PRKCH: variants seen among roughly 807,000 people sequenced by gnomAD.
PRKCH encodes protein kinase C eta type.
PRKCH carries 28 observed loss-of-function variants against 82.5 expected under a neutral mutation model. The ratio of observed to expected loss-of-function variants is 0.34; its 90% CI spans 0.25 to 0.47. The LOEUF is 0.47. PRKCH is among the 20% of genes least tolerant of loss of function. The pLI is 1.00. For missense variants in PRKCH, 705 were observed against 881.8 expected, an observed-to-expected ratio of 0.80 and a Z score of 2.54; for synonymous variants, 322 against 327.4, an observed-to-expected ratio of 0.98 and a Z score of 0.18.
intron 1 of PRKCH, chr14:61,281,125 C>T (rs1213707273): frequency 1.2e-5 from 17 of 1,404,344 alleles, no homozygotes; most frequent in African/African-American, 4.5e-5. Flanking sequence ...GTGGGCGCCC[C>T]GGGCCGTGGC....
intron 10 of PRKCH, among the ~76,000 whole-genome samples, chr14:61,515,215 G>C (rs2042805406): frequency 6.6e-6 from 1 of 152,166 alleles, no homozygotes; most frequent in South Asian, 2.1e-4. Context: ...AATTTTATTT[G>C]ATTACGTTGT....
intron 1 of PRKCH, among the ~76,000 whole-genome samples, chr14:61,221,334 A>G (rs930831805): frequency 1.3e-5 from 2 of 152,168 alleles, no homozygotes; most frequent in East Asian, 1.9e-4. Context: ...TTACAAGTAT[A>G]GACAAAATCA....
chr14:61,280,064 A>G lies in PRKCH; in HGVS notation c.-19+92396A>G, dbSNP rs2045242247. 1.3e-6 allele frequency: 2 copies of G among 1,574,332 alleles called. No homozygotes were observed. The highest frequency in any genetic ancestry group is 1.4e-5 in the African/African-American group (1 of 73,730). On this transcript the variant is annotated intron_variant, in intron 1 of 3. Transcript: ENST00000555185. This position sits in a 1 kb window ranked among gnomAD's most constrained non-coding sequence, Gnocchi z 5.0. ...GCACCTTGCAAGAGTTTTGGCAAGA[A>G]GCAGGAGGGATCCCTGGAAAGCCGG... is the stretch of plus-strand genomic sequence containing the variant.
At chr14:61,309,814 C>A (rs762537641) in intron 1 of PRKCH, among the ~76,000 whole-genome samples, 1 of 152,032 alleles carries the variant, frequency 6.6e-6, no homozygotes, top group Admixed American at 6.5e-5. Flanking sequence ...AAGAACTGCC[C>A]GAGACTGGGA....
intron 1 of PRKCH, among the ~76,000 whole-genome samples, chr14:61,351,059 T>G (rs1047723604): frequency 1.3e-5 from 2 of 152,232 alleles, no homozygotes; most frequent in Non-Finnish European, 2.9e-5. Context: ...GGTACATGTA[T>G]TTTTAATCTA....
chr14:61,311,374 G>A (rs1005946987), intron 1 of PRKCH, among the ~76,000 whole-genome samples: 4 of 152,176 alleles, frequency 2.6e-5, no homozygotes, highest in Non-Finnish European at 5.9e-5. Context: ...CTTGGCAAAA[G>A]GATAGCTCCA....
chr14:61,424,559 TGA>T (rs1883012451), intron 2 of PRKCH, among the ~76,000 whole-genome samples: 2 of 152,148 alleles, frequency 1.3e-5, no homozygotes, highest in South Asian at 4.1e-4. Flanking sequence ...ACTTTGAACT[TGA>T]GAGAGATGAT....
chr14:61,500,087 TCAATATC>T (rs1419570487), intron 10 of PRKCH, among the ~76,000 whole-genome samples: 5 of 150,854 alleles, frequency 3.3e-5, no homozygotes, highest in African/African-American at 1.2e-4. Flanking sequence ...GATACTTGGA[TCAATATC>T]CGGTTGACTT....
At chr14:61,493,625 C>T (rs925001615) in intron 10 of PRKCH, among the ~76,000 whole-genome samples, 2 of 152,108 alleles carry the variant, frequency 1.3e-5, no homozygotes, top group Non-Finnish European at 2.9e-5. Context: ...AAATTCCATG[C>T]CAGGGAGTCT....
At chr14:61,500,103 T>G (rs552387999) in intron 10 of PRKCH, among the ~76,000 whole-genome samples, 1 of 151,288 alleles carries the variant, frequency 6.6e-6, no homozygotes, top group Admixed American at 6.6e-5. Context: ...TCCGGTTGAC[T>G]TGTCACGTTC....
chr14:61,212,810 G>A (rs562579771), intron 1 of PRKCH, among the ~76,000 whole-genome samples: 2 of 152,298 alleles, frequency 1.3e-5, no homozygotes, highest in Admixed American at 6.5e-5. Context: ...CAGATAAATT[G>A]CAAGATGCTA....
chr14:61,362,569 CAT>C (rs750485470), intron 1 of PRKCH, among the ~76,000 whole-genome samples: 10 of 152,104 alleles, frequency 6.6e-5, no homozygotes, highest in Admixed American at 1.3e-4. Flanking sequence ...TACATTATTA[CAT>C]ATTTGTAAAA....
intron 2 of PRKCH, among the ~76,000 whole-genome samples, chr14:61,433,976 A>C (rs1883550619): frequency 6.6e-6 from 1 of 152,232 alleles, no homozygotes; most frequent in Admixed American, 6.5e-5. Flanking sequence ...CTTTATAAAC[A>C]ATGACAACAA....
chr14:61,271,142 T>C (rs2045149691), intron 1 of PRKCH, among the ~76,000 whole-genome samples: 1 of 152,204 alleles, frequency 6.6e-6, no homozygotes, highest in Admixed American at 6.5e-5. Flanking sequence ...TGGACACTAG[T>C]GTACCCACCT....
intron 1 of PRKCH, among the ~76,000 whole-genome samples, chr14:61,379,581 C>T (rs1024168084): frequency 2.6e-5 from 4 of 152,168 alleles, no homozygotes; most frequent in Non-Finnish European, 4.4e-5. Context: ...GAATTATTCT[C>T]GGTTAGTTTA....
At chr14:61,314,503 G>A (rs931025018) in intron 1 of PRKCH, among the ~76,000 whole-genome samples, 3 of 152,266 alleles carry the variant, frequency 2.0e-5, no homozygotes, top group African/African-American at 4.8e-5. Flanking sequence ...TTATGAAGTC[G>A]TTGCTCTTGA....
chr14:61,237,288 T>C (rs1054818030), intron 1 of PRKCH, among the ~76,000 whole-genome samples: 3 of 151,174 alleles, frequency 2.0e-5, no homozygotes, highest in Non-Finnish European at 4.4e-5. Context: ...AACTCTAGTA[T>C]AGCATCACAT....
At chr14:61,453,086 T>A (rs1884587681) in intron 6 of PRKCH, 140 bp from the exon 7 acceptor site, 8 of 1,090,194 alleles carry the variant, frequency 7.3e-6, no homozygotes, top group African/African-American at 4.7e-5. Context: ...TAGTGTGAGC[T>A]TAATTTTATG....
chr14:61,399,696 T>G (rs1651273535), intron 2 of PRKCH, among the ~76,000 whole-genome samples: 1 of 152,162 alleles, frequency 6.6e-6, no homozygotes, highest in Non-Finnish European at 1.5e-5. Flanking sequence ...AAGAATAAAG[T>G]AAATCAGAAG....
Sources: allele counts gnomAD v4.1 joint callset (sites outside exome capture counted in the v4.1 genomes callset), GRCh38; gene constraint gnomAD v4.1.1; non-coding constraint Gnocchi (gnomAD v3.1); transcripts MANE v1.5; gene names NCBI Gene and HGNC (gene_info 2026-07-23, HGNC 2026-07-21).